NPS: variants seen among roughly 807,000 people sequenced by gnomAD.
NPS encodes the protein prepro-neuropeptide S.
NPS carries 6 observed loss-of-function variants against 7.2 expected under a neutral mutation model. That is an observed-to-expected ratio of 0.83 (90% CI 0.46 to 1.64). NPS has a LOEUF of 1.64. Among genes scored for constraint, NPS ranks in the 40% most tolerant of loss-of-function variants. NPS has a pLI of 0.01. For missense variants in NPS, 123 were observed against 97.8 expected (o/e 1.26, Z -1.09); for synonymous variants, 42 against 36.7 (o/e 1.14, Z -0.52).
chr10:127,552,394 A>G (rs1045732744), intron 2 of NPS, 66 bp from the exon 3 acceptor site: 1 of 870,586 alleles, frequency 1.1e-6, no homozygotes, highest in Non-Finnish European at 1.8e-6. Flanking sequence ...GAAAATTGTT[A>G]CTGTTGAAAT....
chr10:127,552,282 C>A (rs1319494994), intron 2 of NPS, among the ~76,000 whole-genome samples, 178 bp from the exon 3 acceptor site: 5 of 152,132 alleles, frequency 3.3e-5, no homozygotes, highest in Non-Finnish European at 7.3e-5. Flanking sequence ...GGGTAGATCA[C>A]CCCAAATAAT....
At chr10:127,549,690 C>A in intron 2 of NPS, 120 bp downstream of exon 2, 2 of 662,894 alleles carry the variant, frequency 3.0e-6, no homozygotes, top group South Asian at 2.0e-5. Context: ...TATTAGAGTT[C>A]TCAATGGGAA....
rs1490370625 is a variant in NPS, at chr10:127,549,574, A to G, written c.90+4A>G. On this transcript the variant is annotated splice_donor_region_variant and intron_variant, in intron 2 of 2. Transcript: ENST00000398023. ...TTATCCAGTTCCATCTTCTAAGGTA[A>G]GGATTTGCCTCCGTTGTGGATATTT... The G allele has an allele frequency of 6.4e-7, 1 of 1,552,092 alleles. No individual in the cohort carries two copies. The highest frequency in any genetic ancestry group is 1.4e-5 in the African/African-American group (1 of 73,656).
chr10:127,552,658 C>A lies in NPS; in HGVS notation c.*19C>A. 3 of 1,568,010 alleles carry A rather than the reference C, an allele frequency of 1.9e-6. No individual in the cohort carries two copies. Among genetic ancestry groups the A allele is most frequent in the South Asian group, 1.1e-5 (1 of 89,428 alleles). On this transcript the variant is annotated 3_prime_UTR_variant, in exon 3 of 3. Coordinates refer to ENST00000398023, the MANE Select transcript of NPS (RefSeq NM_001030013.2). ...ATCATGACTAAGTGTGCAAAGGACT[C>A]GGGGAATTAATCTAACTGTAGAGTG... is the stretch of plus-strand genomic sequence containing the variant.
At chr10:127,549,454 C>A (rs1195982271) in intron 1 of NPS, 35 bp from the exon 2 acceptor site, 2 of 1,586,304 alleles carry the variant, frequency 1.3e-6, no homozygotes, top group Admixed American at 3.3e-5. Flanking sequence ...CTACTTGAGA[C>A]TAAATCTTGA....
chr10:127,552,272 G>A (rs1228705287), intron 2 of NPS, among the ~76,000 whole-genome samples, 188 bp from the exon 3 acceptor site: 1 of 152,174 alleles, frequency 6.6e-6, no homozygotes. Flanking sequence ...TTAGACAAGT[G>A]GGTAGATCAC....
rs755810748 is a variant in NPS at position 127,549,539 on chromosome 10, T to G, written c.59T>G (p.Val20Gly). 4 of 1,610,748 alleles carry G rather than the reference T, an allele frequency of 2.5e-6. No individual in the cohort carries two copies. In the South Asian group the frequency reaches 4.4e-5, roughly 18 times the overall value. ...ILVLSLSTMH[V>G]FWCYPVPSSK... is the part of the protein sequence containing the mutation. The stretch of plus-strand genomic sequence containing the variant: ...GTTCTGTCGCTGTCCACAATGCATG[T>G]GTTTTGGTGTTATCCAGTTCCATCT... The change falls in exon 2 of 3, where the codon GTG (valine) becomes GGG (glycine). Residue 20 changes from valine (V) to glycine (G), a missense_variant. Coordinates refer to ENST00000398023, the MANE Select transcript of NPS (RefSeq NM_001030013.2).
At chr10:127,550,967 T>C (rs564288480) in intron 2 of NPS, among the ~76,000 whole-genome samples, 121 of 152,356 alleles carry the variant, frequency 7.9e-4, no homozygotes, top group Non-Finnish European at 1.4e-3. Context: ...TTTTTAGGGA[T>C]GTTTCAGGAA....
At chr10:127,551,256 G>GAA (rs71032569) in intron 2 of NPS, among the ~76,000 whole-genome samples, 3 of 151,592 alleles carry the variant, frequency 2.0e-5, no homozygotes, top group African/African-American at 7.3e-5. Context: ...AAAAAGGGGG[G>GAA]AAAAAGCCCA....
intron 2 of NPS, among the ~76,000 whole-genome samples, chr10:127,551,825 C>A (rs907515849): frequency 6.6e-6 from 1 of 152,170 alleles, no homozygotes; most frequent in African/African-American, 2.4e-5. Flanking sequence ...CACCTTTGGT[C>A]TTGTACTTAG....
chr10:127,552,627 A>C lies in NPS; in HGVS notation c.258A>C (p.Arg86Ser). 1 of 1,611,672 alleles carries C rather than the reference A, an allele frequency of 6.2e-7. No individual in the cohort carries two copies. Reference sequence around the variant, plus strand: ...GGATGAAAAAAACTTCCTTTCAAAGAGCAAAATCATGACTAAGTGTGCAAA... The same window carrying C: ...GGATGAAAAAAACTTCCTTTCAAAGCGCAAAATCATGACTAAGTGTGCAAA... ...GTGMKKTSFQ[R>S]AKS Residue 86 changes from arginine (R) to serine (S), a missense_variant, in exon 3 of 3, where the codon AGA becomes AGC. Arg to Ser is a moderately radical substitution (Grantham distance 110). Coordinates refer to ENST00000398023, the MANE Select transcript of NPS (RefSeq NM_001030013.2).
chr10:127,550,945 T>G (rs1392164060), intron 2 of NPS, among the ~76,000 whole-genome samples: 1 of 152,192 alleles, frequency 6.6e-6, no homozygotes, highest in African/African-American at 2.4e-5. Flanking sequence ...ATCAGCAAAG[T>G]GCATCAGTGT....
Position 127,552,934 on chromosome 10 carries a change from G to A in NPS, c.*295G>A, listed in dbSNP as rs1373335314. 6.6e-6 allele frequency among the ~76,000 whole-genome samples: 1 copy of A among 152,146 alleles called. No individual in the cohort carries two copies. The highest frequency in any genetic ancestry group is 1.5e-5 in the Non-Finnish European group (1 of 68,036). On this transcript the variant is annotated 3_prime_UTR_variant, in exon 3 of 3. Coordinates refer to ENST00000398023, the MANE Select transcript of NPS (RefSeq NM_001030013.2). Reference sequence around the variant, plus strand: ...TGCTTTTAACTTGGCCAGAAAGCATGAGCATGTTGACAGTCATCACGATAG... The same window carrying A: ...TGCTTTTAACTTGGCCAGAAAGCATAAGCATGTTGACAGTCATCACGATAG...
chr10:127,549,849 G>A (rs947201693), intron 2 of NPS, among the ~76,000 whole-genome samples: 4 of 152,092 alleles, frequency 2.6e-5, no homozygotes, highest in African/African-American at 9.7e-5. Flanking sequence ...TTTGCCAATG[G>A]CAATTTATTT....
rs915848734 is a variant in NPS at position 127,550,497 on chromosome 10, T to TCA, written c.90+930_90+931dup. The stretch of plus-strand genomic sequence containing the variant: ...ACACCACATTGATCAAGCTGATGAG[T>TCA]CACAATCCATATACTGGTATATTTT... On this transcript the variant is annotated intron_variant, in intron 2 of 2. Coordinates refer to ENST00000398023, the MANE Select transcript of NPS (RefSeq NM_001030013.2). 4.5e-4 allele frequency among the ~76,000 whole-genome samples: 69 copies of TCA among 152,284 alleles called. 3 individuals are homozygous for TCA. The highest frequency in any genetic ancestry group is 1.5e-3 in the African/African-American group (64 of 41,558).
chr10:127,550,515 T>C (rs931878102), intron 2 of NPS, among the ~76,000 whole-genome samples: 1 of 152,194 alleles, frequency 6.6e-6, no homozygotes, highest in African/African-American at 2.4e-5. Flanking sequence ...CATATACTGG[T>C]ATATTTTCTC....
chr10:127,552,574 AG>A lies in NPS; in HGVS notation c.207del (p.Arg69SerfsTer11). 1 of 1,613,562 alleles carries A rather than the reference AG, an allele frequency of 6.2e-7. No individual in the cohort carries two copies. On this transcript the variant is annotated frameshift_variant, in exon 3 of 3. Transcript: ENST00000398023. LOFTEE classifies it high-confidence loss of function. ...AATTTTGGAGAAGATGTTTGTGAAA[AG>A]GTCCTTTCGCAATGGAGTTGGCACA... ...KPILEKMFVK[R>X]SFRNGVGTGM...
intron 2 of NPS, among the ~76,000 whole-genome samples, chr10:127,550,938 AGCAAAG>A: frequency 6.6e-6 from 1 of 152,238 alleles, no homozygotes. Context: ...TTCGACGATC[AGCAAAG>A]TGCATCAGTG....
chr10:127,552,437 T>G, intron 2 of NPS, 23 bp from the exon 3 acceptor site: 1 of 1,469,298 alleles, frequency 6.8e-7, no homozygotes. Context: ...ATTCTCTTTC[T>G]CCTCACCCAT....
Sources: allele counts gnomAD v4.1 joint callset (sites outside exome capture counted in the v4.1 genomes callset), GRCh38; gene constraint gnomAD v4.1.1; transcripts MANE v1.5; gene names NCBI Gene and HGNC (gene_info 2026-07-23, HGNC 2026-07-21).